SHISA9: variants seen among roughly 807,000 people sequenced by gnomAD.
SHISA9 encodes the protein protein shisa-9.
In SHISA9, 13 loss-of-function variants were observed where a neutral mutation model predicts 38.0. The ratio of observed to expected loss-of-function variants is 0.34; its 90% CI spans 0.22 to 0.54. SHISA9 has a LOEUF of 0.54. Among genes scored for constraint, SHISA9 ranks in the 20% least tolerant of loss-of-function variants. The pLI, the probability that SHISA9 is intolerant of heterozygous loss-of-function variation, is 0.91. For missense variants in SHISA9, 538 were observed against 575.8 expected (o/e 0.93, Z 0.67); for synonymous variants, 275 against 242.0 (o/e 1.14, Z -1.27).
At chr16:13,289,246 C>T in the SHISA9 span, among the ~76,000 whole-genome samples, 75 of 151,962 alleles carry the variant, frequency 4.9e-4, no homozygotes, top group Non-Finnish European at 8.7e-4. Context: ...CCATGTTTTC[C>T]CTCTGGCTAA....
rs1298455952 is a variant in SHISA9, at chr16:13,237,435, G to T, written c.*2026G>T. ...CCCAGCACTTTGGGAGGCTGAAGCA[G>T]GTGGATCATCTGAGGTCAGGAGTTT... On this transcript the variant is annotated 3_prime_UTR_variant, in exon 5 of 5. Coordinates refer to ENST00000558583, the MANE Select transcript of SHISA9 (RefSeq NM_001145204.3). 1 of 152,110 alleles carries T rather than the reference G, an allele frequency of 6.6e-6. No homozygotes were observed. Among genetic ancestry groups the T allele is most frequent in the African/African-American group, 2.4e-5 (1 of 41,406 alleles). The allele number at this position is 152,110 out of a possible 1,614,324, so 9.4% of individuals were successfully genotyped here.
the SHISA9 span, among the ~76,000 whole-genome samples, chr16:13,508,183 A>G: frequency 6.6e-6 from 1 of 152,204 alleles, no homozygotes; most frequent in African/African-American, 2.4e-5. Flanking sequence ...TGCTTAATAA[A>G]TTACATTACA....
In SHISA9 at chr16:13,166,435, A is replaced by G. The variant is rs549000640; in HGVS notation, c.692-36959A>G. Among the ~76,000 whole-genome samples the G allele has an allele frequency of 2.0e-5, 3 of 152,308 alleles. 1 individual carries two copies. The South Asian group carries it at 6.2e-4, about 32-fold the overall frequency. ...CTTTAGGATGAAGCGTGTGCTTCTT[A>G]GCATGGCCAAAAAGGCAAGATTGGA... On this transcript the variant is annotated intron_variant, in intron 2 of 4. Transcript: ENST00000558583.
chr16:13,230,936 C>G (rs1205067477), intron 4 of SHISA9, among the ~76,000 whole-genome samples: 2 of 152,246 alleles, frequency 1.3e-5, no homozygotes, highest in African/African-American at 4.8e-5. Flanking sequence ...AGAGGTTACT[C>G]TCATGGCCAT....
intron 2 of SHISA9, among the ~76,000 whole-genome samples, chr16:13,121,211 G>C (rs1470500918): frequency 6.6e-6 from 1 of 152,132 alleles, no homozygotes; most frequent in African/African-American, 2.4e-5. Context: ...AATCTGGGCT[G>C]GGCATGGTGG....
chr16:13,076,220 G>A (rs1360158303), intron 2 of SHISA9, among the ~76,000 whole-genome samples: 1 of 151,866 alleles, frequency 6.6e-6, no homozygotes, highest in African/African-American at 2.4e-5. Flanking sequence ...TAGTAGAGAC[G>A]GGATTTCATC....
At chr16:13,403,492 C>T in the SHISA9 span, among the ~76,000 whole-genome samples, 3 of 152,204 alleles carry the variant, frequency 2.0e-5, no homozygotes, top group Non-Finnish European at 4.4e-5. Context: ...CTGCAGAATG[C>T]ACTTCAAGTA....
chr16:12,999,771 A>G (rs963669129), intron 2 of SHISA9, among the ~76,000 whole-genome samples: 1 of 152,158 alleles, frequency 6.6e-6, no homozygotes, highest in African/African-American at 2.4e-5. Context: ...TAGTGCCTGA[A>G]GGTTGACTTC....
At chr16:13,404,839 C>T in the SHISA9 span, among the ~76,000 whole-genome samples, 1 of 152,276 alleles carries the variant, frequency 6.6e-6, no homozygotes, top group East Asian at 1.9e-4. Flanking sequence ...GACATTAAGA[C>T]ACGAGAGAGC....
intron 2 of SHISA9, among the ~76,000 whole-genome samples, chr16:12,973,611 G>A (rs898181086): frequency 1.3e-5 from 2 of 152,196 alleles, no homozygotes; most frequent in Non-Finnish European, 2.9e-5. Context: ...GCTAGTGATA[G>A]TTGCTTTTTT....
At chr16:13,117,675 C>G (rs1300746108) in intron 2 of SHISA9, among the ~76,000 whole-genome samples, 2 of 152,186 alleles carry the variant, frequency 1.3e-5, no homozygotes, top group African/African-American at 4.8e-5. Flanking sequence ...ATGGGTTCTT[C>G]CCTAGAGCCT....
rs553301382 is a variant in SHISA9 at position 13,080,234 on chromosome 16, G to T, written c.692-123160G>T. Among the ~76,000 whole-genome samples the T allele has an allele frequency of 6.5e-3, 986 of 152,306 alleles. 10 individuals are homozygous for T. Among genetic ancestry groups the T allele is most frequent in the Non-Finnish European group, 0.011 (757 of 68,012 alleles). On this transcript the variant is annotated intron_variant, in intron 2 of 4. Coordinates refer to ENST00000558583, the MANE Select transcript of SHISA9 (RefSeq NM_001145204.3). ...TAAAAATACAAAAAATTAGCTGGGC[G>T]TGGTGGTGGGCGCCTGTAATCCCAG...
the SHISA9 span, among the ~76,000 whole-genome samples, chr16:13,288,956 T>C: frequency 6.6e-6 from 1 of 152,160 alleles, no homozygotes; most frequent in African/African-American, 2.4e-5. Context: ...CTTCAATATA[T>C]GAATGAGTGA....
At chr16:13,053,096 T>A (rs984867123) in intron 2 of SHISA9, among the ~76,000 whole-genome samples, 4 of 151,434 alleles carry the variant, frequency 2.6e-5, no homozygotes, top group Non-Finnish European at 5.9e-5. Flanking sequence ...CCCGAGAACC[T>A]GGGATTACAG....
At chr16:13,340,209 A>G in the SHISA9 span, among the ~76,000 whole-genome samples, 1 of 152,136 alleles carries the variant, frequency 6.6e-6, no homozygotes, top group Non-Finnish European at 1.5e-5. Flanking sequence ...ACAGAGGAGG[A>G]AGTATGGGAG....
At chr16:12,952,151 G>A (rs1777488729) in intron 2 of SHISA9, among the ~76,000 whole-genome samples, 1 of 152,162 alleles carries the variant, frequency 6.6e-6, no homozygotes, top group African/African-American at 2.4e-5. Context: ...AATGCCCTAG[G>A]CCAGGAGCTA....
At chr16:13,204,216 C>CTATG (rs1287101619) in intron 3 of SHISA9, among the ~76,000 whole-genome samples, 4 of 144,932 alleles carry the variant, frequency 2.8e-5, no homozygotes, top group African/African-American at 1.0e-4. Context: ...GTCTGTCTAT[C>CTATG]TATCTATCTA....
the SHISA9 span, among the ~76,000 whole-genome samples, chr16:13,276,448 G>A: frequency 6.6e-6 from 1 of 152,062 alleles, no homozygotes; most frequent in Admixed American, 6.6e-5. Context: ...GGGATTGCTG[G>A]ATCAAATGGT....
At chr16:13,050,740 T>A (rs1383654258) in intron 2 of SHISA9, among the ~76,000 whole-genome samples, 2 of 152,238 alleles carry the variant, frequency 1.3e-5, no homozygotes, top group Non-Finnish European at 2.9e-5. Flanking sequence ...GAGTTACCTG[T>A]CTCTCCTCAT....
Sources: allele counts gnomAD v4.1 joint callset (sites outside exome capture counted in the v4.1 genomes callset), GRCh38; gene constraint gnomAD v4.1.1; transcripts MANE v1.5; gene names NCBI Gene and HGNC (gene_info 2026-07-23, HGNC 2026-07-21).